The following PRLR variants were observed in gnomAD, a reference collection of about 807,000 sequenced individuals.
The protein encoded by PRLR is hPRL receptor.
A neutral mutation model predicts 40.2 loss-of-function variants in PRLR; 13 were observed. The observed-to-expected ratio is 0.32, with a 90% confidence interval of 0.21 to 0.51. PRLR has a LOEUF of 0.51. Among genes scored for constraint, PRLR ranks in the 20% least tolerant of loss-of-function variants. PRLR has a pLI of 0.97. For synonymous variants in PRLR, 269 were observed against 278.7 expected (o/e 0.97, Z 0.35); for missense variants, 656 against 747.3 (o/e 0.88, Z 1.42).
intron 2 of PRLR, among the ~76,000 whole-genome samples, chr5:35,099,482 T>G (rs147339515): frequency 2.7e-3 from 416 of 152,370 alleles, no homozygotes; most frequent in African/African-American, 9.5e-3. Flanking sequence ...TGTTACTGGT[T>G]TGTGTATTTA....
intron 2 of PRLR, among the ~76,000 whole-genome samples, chr5:35,096,346 T>C (rs1014903795): frequency 2.0e-5 from 3 of 152,156 alleles, no homozygotes; most frequent in Non-Finnish European, 2.9e-5. Context: ...TTTCGAGCAG[T>C]CTTTTTGGCT....
chr5:35,084,950 C>T (rs1228917601), intron 4 of PRLR, among the ~76,000 whole-genome samples: 1 of 152,146 alleles, frequency 6.6e-6, no homozygotes, highest in Non-Finnish European at 1.5e-5. Context: ...TTTCAATGGC[C>T]CAGGCACCAC....
In PRLR at chr5:35,072,633, C is replaced by T; in HGVS notation, c.485G>A (p.Gly162Asp). Residue 162 changes from glycine to aspartate, a missense_variant, in exon 6 of 10, where the codon GGT becomes GAT. Physicochemically the swap from Gly to Asp is moderately conservative, Grantham distance 94 (BLOSUM62 -1). Transcript: ENST00000618457. ...AATTTCATACAGGAGCGTGAACCAA[C>T]CAGTTTTTAAGTCAATCAGGGTAGG... ...SPPTLIDLKT[G>D]WFTLLYEIRL... 1 of 1,614,140 alleles carries T rather than the reference C, an allele frequency of 6.2e-7. No individual in the cohort carries two copies. The highest frequency in any genetic ancestry group is 8.5e-7 in the Non-Finnish European group (1 of 1,180,020).
intron 5 of PRLR, among the ~76,000 whole-genome samples, chr5:35,076,411 T>C (rs1377375979): frequency 1.3e-5 from 2 of 152,096 alleles, no homozygotes; most frequent in Non-Finnish European, 2.9e-5. Flanking sequence ...CAAGCATCAG[T>C]AGCCGATTTG....
intron 1 of PRLR, among the ~76,000 whole-genome samples, chr5:35,129,926 C>T (rs1773607412): frequency 6.6e-6 from 1 of 152,060 alleles, no homozygotes; most frequent in Non-Finnish European, 1.5e-5. Flanking sequence ...GTCCAGAATC[C>T]AAGAAGCCAG....
downstream of PRLR, among the ~76,000 whole-genome samples, chr5:35,055,193 T>C (rs1038280329): frequency 1.3e-5 from 2 of 152,186 alleles, no homozygotes; most frequent in Non-Finnish European, 2.9e-5. Flanking sequence ...AAAGAAAATG[T>C]GAAACTTTGG....
At chr5:35,186,089 C>A (rs566968674) in intron 1 of PRLR, among the ~76,000 whole-genome samples, 1 of 152,192 alleles carries the variant, frequency 6.6e-6, no homozygotes, top group South Asian at 2.1e-4. Flanking sequence ...TCGCCTATTG[C>A]ACCACATTGA....
intron 5 of PRLR, among the ~76,000 whole-genome samples, chr5:35,083,779 A>T (rs565422895): frequency 1.4e-5 from 2 of 142,850 alleles, no homozygotes; most frequent in South Asian, 4.5e-4. Flanking sequence ...TAGCCTCCCA[A>T]AGTACTGGCA....
At chr5:35,075,760 C>T (rs1013187794) in intron 5 of PRLR, among the ~76,000 whole-genome samples, 7 of 152,194 alleles carry the variant, frequency 4.6e-5, no homozygotes, top group Non-Finnish European at 7.4e-5. Context: ...CCCTGACCCC[C>T]GAGTAGCCTA....
intron 2 of PRLR, among the ~76,000 whole-genome samples, chr5:35,110,934 A>G (rs944468092): frequency 1.3e-5 from 2 of 152,008 alleles, no homozygotes; most frequent in African/African-American, 4.8e-5. Context: ...TCTACAAAAC[A>G]CCCAGAACCT....
chr5:35,105,917 A>G (rs1201264012), intron 2 of PRLR, among the ~76,000 whole-genome samples: 5 of 152,220 alleles, frequency 3.3e-5, no homozygotes, highest in African/African-American at 4.8e-5. Context: ...TCCAAGACAC[A>G]TAATTGTCAG....
At chr5:35,146,418 G>A (rs1774183188) in intron 1 of PRLR, among the ~76,000 whole-genome samples, 1 of 152,152 alleles carries the variant, frequency 6.6e-6, no homozygotes, top group African/African-American at 2.4e-5. Flanking sequence ...TGGAGATTAA[G>A]TTCCTCTCGT....
intron 1 of PRLR, among the ~76,000 whole-genome samples, chr5:35,221,828 A>T (rs36095564): frequency 6.6e-6 from 1 of 152,086 alleles, no homozygotes; most frequent in Admixed American, 6.5e-5. Context: ...TGAGACAGAG[A>T]AAAGAAAACC....
At chr5:35,072,141 AC>A (rs1769786488) in intron 6 of PRLR, among the ~76,000 whole-genome samples, 1 of 151,814 alleles carries the variant, frequency 6.6e-6, no homozygotes, top group African/African-American at 2.4e-5. Context: ...CAGGTGATCC[AC>A]CTGTCTCGGC....
rs1437453753 is a variant in PRLR, at chr5:35,208,175, GCGCA to G, written c.-106+22089_-106+22092del. 3.5e-3 allele frequency among the ~76,000 whole-genome samples: 513 copies of G among 145,000 alleles called. 7 individuals are homozygous for G. Among genetic ancestry groups the G allele is most frequent in the African/African-American group, 8.8e-3 (345 of 39,170 alleles). On this transcript the variant is annotated intron_variant, in intron 1 of 9. Coordinates refer to ENST00000618457, the MANE Select transcript of PRLR (RefSeq NM_000949.7). ...CCTGCTCCTTCACACACCCACGCGC[GCGCA>G]CACACACACACACACACACACACAC...
rs1770724141 is a variant in PRLR at position 35,084,553 on chromosome 5, C to T, written c.290G>A (p.Arg97Lys). The T allele has an allele frequency of 6.2e-7, 1 of 1,606,174 alleles. No homozygotes were observed. The highest frequency in any genetic ancestry group is 1.3e-5 in the African/African-American group (1 of 74,472). ...GGCATTGACCATCATGATGTATGTC[C>T]TCCACATGGAGGTGTACTGCTTGCC... ...HFGKQYTSMWRTYIMMVNATN... is the reference protein window; with the variant it reads ...HFGKQYTSMWKTYIMMVNATN... The change falls in exon 5 of 10, where the codon AGG becomes AAG. Residue 97 changes from arginine to lysine, a missense_variant. By Grantham distance (26) the Arg-to-Lys change is conservative (BLOSUM62 2). Coordinates refer to ENST00000618457, the MANE Select transcript of PRLR (RefSeq NM_000949.7).
chr5:35,179,258 A>G (rs11952661), intron 1 of PRLR, among the ~76,000 whole-genome samples: 46,879 of 152,112 alleles, frequency 0.31, 7,531 homozygotes, highest in African/African-American at 0.39. Context: ...CTGGGCAAAT[A>G]AAAGGATATA....
At position 35,065,575 on chromosome 5, in the gene PRLR, G is replaced by A; in HGVS notation, c.1383C>T (p.Ser461=). The A allele has an allele frequency of 1.2e-6, 2 of 1,614,130 alleles. No homozygotes were observed. Among genetic ancestry groups the A allele is most frequent in the Non-Finnish European group, 1.7e-6 (2 of 1,180,032 alleles). ...CTTCTCTAGACTTAATGGTTTGAGA[G>A]GATTTTAAAGCATCTTTACCTGCTT... ...LNEAGKDALK[S]SQTIKSREEG... is the part of the protein sequence containing the mutation. The change falls in exon 10 of 10, where the codon TCC becomes TCT. Residue 461 remains serine (S), a synonymous_variant. Transcript: ENST00000618457.
At chr5:35,099,349 C>T (rs958908230) in intron 2 of PRLR, among the ~76,000 whole-genome samples, 1 of 152,158 alleles carries the variant, frequency 6.6e-6, no homozygotes, top group Non-Finnish European at 1.5e-5. Flanking sequence ...ATTCTAACAT[C>T]GTAACGTAAT....
Sources: gnomAD v4.1 joint callset for allele counts (sites outside exome capture counted in the v4.1 genomes callset) on GRCh38, gnomAD v4.1.1 for gene constraint, MANE v1.5 for transcripts, NCBI Gene and HGNC (gene_info 2026-07-23, HGNC 2026-07-21) for gene names.